ZFP91: variants seen among roughly 807,000 people sequenced by gnomAD.
ZFP91 encodes the protein ZFP91 zinc finger protein, atypical E3 ubiquitin ligase.
ZFP91 carries 7 observed loss-of-function variants against 63.5 expected under a neutral mutation model. The ratio of observed to expected loss-of-function variants is 0.11; its 90% CI spans 0.06 to 0.21. The LOEUF is 0.21. Ranked by LOEUF, ZFP91 falls within the 10% of genes least tolerant of loss-of-function variation. The probability of loss-of-function intolerance (pLI) is 1.00; values close to 1 mark genes in which losing one functional copy is unlikely to be tolerated. For synonymous variants in ZFP91, 330 were observed against 272.1 expected (o/e 1.21, Z -2.10); for missense variants, 628 against 736.6 (o/e 0.85, Z 1.71).
intron 1 of ZFP91, among the ~76,000 whole-genome samples, chr11:58,583,481 G>A (rs924842942): frequency 3.0e-4 from 45 of 152,126 alleles, no homozygotes; most frequent in African/African-American, 8.9e-4. Flanking sequence ...TGGATAGTGA[G>A]GATGAAGAGG....
At chr11:58,587,094 C>T (rs1855223113) in intron 2 of ZFP91, among the ~76,000 whole-genome samples, 1 of 151,566 alleles carries the variant, frequency 6.6e-6, no homozygotes, top group African/African-American at 2.4e-5. Flanking sequence ...TGCAAAGTTG[C>T]AACTTAAAAA....
intron 2 of ZFP91, among the ~76,000 whole-genome samples, chr11:58,606,031 T>C (rs1855564432): frequency 6.6e-6 from 1 of 152,200 alleles, no homozygotes; most frequent in South Asian, 2.1e-4. Context: ...TCAGTTATTA[T>C]ACTTCTCAGC....
chr11:58,608,644 G>A (rs1202200726), intron 2 of ZFP91, among the ~76,000 whole-genome samples: 5 of 151,848 alleles, frequency 3.3e-5, no homozygotes, highest in Admixed American at 6.6e-5. Flanking sequence ...TTGCTCTTTC[G>A]CCGAGGCTGG....
At chr11:58,611,328 G>T (rs1338292800) in intron 5 of ZFP91, 3 of 488,172 alleles carry the variant, frequency 6.1e-6, no homozygotes, top group Non-Finnish European at 7.0e-6. Flanking sequence ...TGAATACTTA[G>T]AATTTTTTAA....
chr11:58,612,215 C>A, intron 6 of ZFP91, 63 bp from the exon 7 acceptor site: 1 of 1,534,830 alleles, frequency 6.5e-7, no homozygotes, highest in East Asian at 2.3e-5. Flanking sequence ...GTGTCTTCAG[C>A]CAGCCTTCAC....
At chr11:58,608,358 AGTT>A (rs1403688468) in intron 2 of ZFP91, among the ~76,000 whole-genome samples, 1 of 151,974 alleles carries the variant, frequency 6.6e-6, no homozygotes, top group Non-Finnish European at 1.5e-5. Context: ...AATTTCTAGT[AGTT>A]GAACATCATG....
chr11:58,609,262 A>G (rs7945889), intron 2 of ZFP91, among the ~76,000 whole-genome samples: 29,216 of 152,164 alleles, frequency 0.19, 2,918 homozygotes, highest in African/African-American at 0.24. Context: ...AATGTCTTAT[A>G]GGACAACTGA....
chr11:58,605,824 T>C, intron 2 of ZFP91, among the ~76,000 whole-genome samples: 1 of 152,186 alleles, frequency 6.6e-6, no homozygotes, highest in East Asian at 1.9e-4. Context: ...AAATATTCTT[T>C]CTGTTCATTT....
At chr11:58,585,908 A>G (rs1187056882) in intron 2 of ZFP91, among the ~76,000 whole-genome samples, 3 of 152,062 alleles carry the variant, frequency 2.0e-5, no homozygotes, top group South Asian at 2.1e-4. Context: ...TTAGGTTTCA[A>G]TGCTAAGGTT....
intron 8 of ZFP91, 102 bp from the exon 9 acceptor site, chr11:58,614,126 TA>T: frequency 1.6e-6 from 1 of 625,682 alleles, no homozygotes; most frequent in Non-Finnish European, 2.7e-6. Flanking sequence ...GTGTGAAATC[TA>T]AGTATTTGGT....
chr11:58,617,798 G>A lies in ZFP91; in HGVS notation c.*92G>A. On this transcript the variant is annotated 3_prime_UTR_variant, in exon 11 of 11. Coordinates refer to ENST00000316059, the MANE Select transcript of ZFP91 (RefSeq NM_053023.5). The surrounding 1 kb of genome is among the most constrained non-coding windows in gnomAD (Gnocchi z 4.2). ...AAAAATCTAAAGCATTTAAAATCTA[G>A]TGAAATAACTGAAGGGCCTGCTCTT... 4 of 1,426,584 alleles carry A rather than the reference G, an allele frequency of 2.8e-6. No individual in the cohort carries two copies. The highest frequency in any genetic ancestry group is 3.7e-6 in the Non-Finnish European group (4 of 1,095,762). 88.4% of individuals were successfully genotyped at this position (1,426,584 alleles called of 1,614,324 possible). A position where few individuals can be genotyped will look rare whatever the true frequency, so the allele number is the denominator to read the frequency against.
At chr11:58,612,675 C>A in intron 7 of ZFP91, 87 bp from the exon 8 acceptor site, 1 of 971,610 alleles carries the variant, frequency 1.0e-6, no homozygotes, top group Non-Finnish European at 1.6e-6. Flanking sequence ...AATAGCTATT[C>A]CCAATAGCAC....
intron 2 of ZFP91, among the ~76,000 whole-genome samples, chr11:58,607,027 T>C (rs1030143995): frequency 6.6e-6 from 1 of 151,496 alleles, no homozygotes; most frequent in South Asian, 2.1e-4. Context: ...AATGGTAAAC[T>C]ATTGTTATCA....
At chr11:58,581,082 C>T (rs1855106079) in intron 1 of ZFP91, among the ~76,000 whole-genome samples, 1 of 152,112 alleles carries the variant, frequency 6.6e-6, no homozygotes. Flanking sequence ...GAATTAAATA[C>T]AGTGTGTAAA....
At chr11:58,595,826 C>G (rs1316345096) in intron 2 of ZFP91, among the ~76,000 whole-genome samples, 3 of 152,154 alleles carry the variant, frequency 2.0e-5, no homozygotes, top group Non-Finnish European at 2.9e-5. Flanking sequence ...ACCTACCCAT[C>G]TCCACCTCCC....
Position 58,611,647 on chromosome 11 carries a change from G to A in ZFP91, c.766G>A (p.Glu256Lys), listed in dbSNP as rs751764322. Reference sequence around the variant, plus strand: ...GAGAAAATCAGGGAAGGTAAAAGAAGAGAAGGAGAAGAAGGAAATTAAAGT... The same window carrying A: ...GAGAAAATCAGGGAAGGTAAAAGAAAAGAAGGAGAAGAAGGAAATTAAAGT... The part of the protein sequence containing the change: ...PRRKSGKVKE[E>K]KEKKEIKVEV... Residue 256 changes from glutamate to lysine, a missense_variant, in exon 6 of 11, where the codon GAG (glutamate) becomes AAG (lysine). Around this residue, in one of 3 missense-constraint regions of ZFP91, gnomAD observed 437 missense variants for 380.3 expected, o/e 1.15. Transcript: ENST00000316059. 4 of 1,612,958 alleles carry A rather than the reference G, an allele frequency of 2.5e-6. No homozygotes were observed. In the South Asian group the frequency reaches 3.3e-5, roughly 13 times the overall value.
intron 1 of ZFP91, among the ~76,000 whole-genome samples, chr11:58,580,536 T>C (rs1470734975): frequency 6.6e-6 from 1 of 152,182 alleles, no homozygotes; most frequent in Admixed American, 6.5e-5. Context: ...GAAAACAGAT[T>C]AGTAAAAACA....
At chr11:58,595,471 G>A (rs1452528309) in intron 2 of ZFP91, among the ~76,000 whole-genome samples, 1 of 151,268 alleles carries the variant, frequency 6.6e-6, no homozygotes, top group Non-Finnish European at 1.5e-5. Context: ...GGTTTGACTT[G>A]TTATAATAAT....
chr11:58,617,289 C>T lies in ZFP91; in HGVS notation c.1296C>T (p.Cys432=). The T allele has an allele frequency of 1.2e-6, 2 of 1,614,002 alleles. No individual in the cohort carries two copies. The highest frequency in any genetic ancestry group is 1.7e-6 in the Non-Finnish European group (2 of 1,179,966). ...CAGACTCCTTCTACCAGTTTTCTTG[C>T]AATATCTGTGGCAAAAAATTTGAGA... ...HDADSFYQFS[C]NICGKKFEKK... The change falls in exon 11 of 11, where the codon TGC becomes TGT. Residue 432 remains cysteine (C), a synonymous_variant. Transcript: ENST00000316059. The surrounding 1 kb of genome is among the most constrained non-coding windows in gnomAD (Gnocchi z 4.2).
Sources: allele counts gnomAD v4.1 joint callset (sites outside exome capture counted in the v4.1 genomes callset), GRCh38; gene constraint gnomAD v4.1.1; regional missense constraint gnomAD v4.1.1; non-coding constraint Gnocchi (gnomAD v3.1); transcripts MANE v1.5; gene names NCBI Gene and HGNC (gene_info 2026-07-23, HGNC 2026-07-21).